The following SAMTOR variants were observed in gnomAD, a reference collection of about 807,000 sequenced individuals.
SAMTOR encodes the protein UPF0532 protein C7orf60.
chr7:112,841,719 C>T, the SAMTOR span, among the ~76,000 whole-genome samples: 5 of 151,994 alleles, frequency 3.3e-5, no homozygotes, highest in African/African-American at 7.3e-5. Context: ...GGTAGTGGTA[C>T]CAAAACAGAG....
At chr7:112,930,612 A>G in the SAMTOR span, among the ~76,000 whole-genome samples, 1 of 152,134 alleles carries the variant, frequency 6.6e-6, no homozygotes, top group African/African-American at 2.4e-5. Flanking sequence ...TCCAGGAGCC[A>G]TCCAGTCTTT....
chr7:112,821,797 C>T, the SAMTOR span: 1 of 1,613,138 alleles, frequency 6.2e-7, no homozygotes, highest in East Asian at 2.2e-5. Context: ...ATAGAGCTGG[C>T]TTGACTTTCT....
chr7:112,895,459 T>G, the SAMTOR span: 1 of 697,146 alleles, frequency 1.4e-6, no homozygotes, highest in Non-Finnish European at 2.2e-6. Flanking sequence ...CAGTCTATCA[T>G]GTAACTACTG....
At chr7:112,821,614 C>G in the SAMTOR span, 9 of 845,360 alleles carry the variant, frequency 1.1e-5, no homozygotes, top group Admixed American at 5.7e-5. Context: ...AAAAAAATAG[C>G]AAACTCTGTA....
chr7:112,832,557 A>T, the SAMTOR span: 1 of 1,523,148 alleles, frequency 6.6e-7, no homozygotes, highest in Non-Finnish European at 9.1e-7. Context: ...AAAACTATGC[A>T]TACCTCTACA....
chr7:112,874,348 C>T, the SAMTOR span, among the ~76,000 whole-genome samples: 2 of 152,110 alleles, frequency 1.3e-5, no homozygotes, highest in South Asian at 2.1e-4. Context: ...CCACAGAATA[C>T]TATGCAGCCA....
At chr7:112,868,550 G>A in the SAMTOR span, among the ~76,000 whole-genome samples, 1 of 152,076 alleles carries the variant, frequency 6.6e-6, no homozygotes. Context: ...GTGGGGAAAG[G>A]CTAAGAGATA....
chr7:112,897,638 T>TAA, the SAMTOR span, among the ~76,000 whole-genome samples: 1 of 151,794 alleles, frequency 6.6e-6, no homozygotes, highest in South Asian at 2.1e-4. Context: ...AACAAGGAAA[T>TAA]AAAAAATAAC....
At chr7:112,898,160 C>CTTAGTCCTAGT in the SAMTOR span, among the ~76,000 whole-genome samples, 2 of 152,168 alleles carry the variant, frequency 1.3e-5, no homozygotes, top group Non-Finnish European at 2.9e-5. Flanking sequence ...TGGGAGGAAT[C>CTTAGTCCTAGT]TTAGTCCTAG....
chr7:112,910,532 A>C, the SAMTOR span, among the ~76,000 whole-genome samples: 1 of 152,192 alleles, frequency 6.6e-6, no homozygotes, highest in African/African-American at 2.4e-5. Context: ...ACAAGCCAAA[A>C]TATCACTGTA....
chr7:112,921,297 T>G, the SAMTOR span, among the ~76,000 whole-genome samples: 1 of 151,958 alleles, frequency 6.6e-6, no homozygotes, highest in African/African-American at 2.4e-5. Context: ...ACGCCGCATA[T>G]CTACAACTAT....
the SAMTOR span, chr7:112,939,487 A>T: frequency 6.4e-7 from 1 of 1,553,176 alleles, no homozygotes; most frequent in Non-Finnish European, 8.7e-7. Flanking sequence ...GGACGTGCAG[A>T]TCCTTTACAT....
chr7:112,897,087 C>A, the SAMTOR span, among the ~76,000 whole-genome samples: 1 of 152,096 alleles, frequency 6.6e-6, no homozygotes, highest in African/African-American at 2.4e-5. Flanking sequence ...CACACAAGAT[C>A]CACAGGCCAA....
chr7:112,921,328 C>G, the SAMTOR span, among the ~76,000 whole-genome samples: 24 of 151,466 alleles, frequency 1.6e-4, no homozygotes, highest in Admixed American at 6.6e-4. Flanking sequence ...ACAAACCTGA[C>G]AAAAACAAGC....
At chr7:112,865,843 T>C in the SAMTOR span, among the ~76,000 whole-genome samples, 1 of 148,500 alleles carries the variant, frequency 6.7e-6, no homozygotes, top group Admixed American at 6.8e-5. Context: ...TATATACATA[T>C]ATTTGCTACT....
At chr7:112,896,190 C>T in the SAMTOR span, among the ~76,000 whole-genome samples, 4 of 151,834 alleles carry the variant, frequency 2.6e-5, no homozygotes, top group South Asian at 4.2e-4. Context: ...GGTGAGTGTG[C>T]GTGCACGCGC....
chr7:112,937,454 C>T, the SAMTOR span, among the ~76,000 whole-genome samples: 1 of 152,060 alleles, frequency 6.6e-6, no homozygotes, highest in African/African-American at 2.4e-5. Context: ...TGTTTACAGA[C>T]TGGGGACCAT....
the SAMTOR span, among the ~76,000 whole-genome samples, chr7:112,878,999 A>G: frequency 6.6e-6 from 1 of 152,058 alleles, no homozygotes; most frequent in African/African-American, 2.4e-5. Flanking sequence ...GTGCGAAGTA[A>G]AACAGCGGAA....
chr7:112,869,623 G>A, the SAMTOR span, among the ~76,000 whole-genome samples: 7 of 151,384 alleles, frequency 4.6e-5, no homozygotes, highest in East Asian at 1.9e-4. Flanking sequence ...CAGTTTCCTC[G>A]GATGAGAAGG....
Sources: allele counts gnomAD v4.1 joint callset (sites outside exome capture counted in the v4.1 genomes callset), GRCh38; gene constraint gnomAD v4.1.1; transcripts MANE v1.5; gene names NCBI Gene and HGNC (gene_info 2026-07-23, HGNC 2026-07-21).